Variants in CIC observed in about 807,000 individuals in gnomAD.
CIC encodes capicua transcriptional repressor.
In CIC, 18 loss-of-function variants were observed where a neutral mutation model predicts 115.7. The ratio of observed to expected loss-of-function variants is 0.16; its 90% CI spans 0.11 to 0.23. The LOEUF (loss-of-function observed/expected upper bound fraction) is 0.23. Among genes scored for constraint, CIC ranks in the 10% least tolerant of loss-of-function variants. CIC has a pLI of 1.00. For synonymous variants in CIC, 1,076 were observed against 923.0 expected (o/e 1.17, Z -3.01); for missense variants, 2,000 against 2,159.3 (o/e 0.93, Z 1.46).
At chr19:42,284,988 G>A (rs1032896066) in intron 2 of CIC, among the ~76,000 whole-genome samples, 1 of 152,150 alleles carries the variant, frequency 6.6e-6, no homozygotes, top group Non-Finnish European at 1.5e-5. Context: ...TGATGTTAAA[G>A]TGATGGGATG....
rs773155801 is a variant in CIC, at chr19:42,290,577, C to T, written c.4536C>T (p.Pro1512=). The change falls in exon 11 of 21, where the codon CCC becomes CCT. Residue 1512 remains proline, a synonymous_variant. Coordinates refer to ENST00000681038, the MANE Select transcript of CIC (RefSeq NM_001386298.1). The part of the protein sequence containing the change: ...MDPATFRRKR[P]ESVGGLEPPG... The stretch of plus-strand genomic sequence containing the variant: ...CTGCCACCTTCCGGCGCAAGAGACC[C>T]GAAAGTGTGGGTGGCCTGGAGCCAC... 22 of 1,613,646 alleles carry T rather than the reference C, an allele frequency of 1.4e-5. No homozygotes were observed. The highest frequency in any genetic ancestry group is 1.0e-4 in the Admixed American group (6 of 60,010).
intron 2 of CIC, chr19:42,284,811 T>G: frequency 6.6e-7 from 1 of 1,508,230 alleles, no homozygotes; most frequent in Non-Finnish European, 8.9e-7. Context: ...GGGGTCAAGG[T>G]GTCGGGGTGC....
Position 42,289,230 on chromosome 19 carries a change from A to G in CIC, c.3911A>G (p.Tyr1304Cys), listed in dbSNP as rs1282833156. The G allele has an allele frequency of 1.2e-6, 2 of 1,613,382 alleles. No individual in the cohort carries two copies. Among genetic ancestry groups the G allele is most frequent in the East Asian group, 2.2e-5 (1 of 44,892 alleles). The change falls in exon 9 of 21, where the codon TAT becomes TGT. Residue 1304 changes from tyrosine to cysteine, a missense_variant. This residue lies in a region of CIC where 1,466 missense variants were observed against 1,390.4 expected (regional missense o/e 1.05). Transcript: ENST00000681038. The stretch of plus-strand genomic sequence containing the variant: ...TCTGGCCCAAAGCCTTCTACCCAGT[A>G]TGGAGCTCCAGGACCCTTTGCAGCC... Reference protein sequence around the residue: ...SYSGPKPSTQYGAPGPFAAPG... With the variant: ...SYSGPKPSTQCGAPGPFAAPG...
rs983330327 is a variant in CIC, at chr19:42,295,356, C to T, written c.*165C>T. On this transcript the variant is annotated 3_prime_UTR_variant, in exon 21 of 21. Coordinates refer to ENST00000681038, the MANE Select transcript of CIC (RefSeq NM_001386298.1). The stretch of plus-strand genomic sequence containing the variant: ...TAAATACCCCCTTCCCTCGAAGCTC[C>T]CTCCCGGTGCTGGGGGGCAGCTGAG... The T allele has an allele frequency of 4.1e-5, 26 of 641,176 alleles. No individual in the cohort carries two copies. The highest frequency in any genetic ancestry group is 6.4e-5 in the Non-Finnish European group (24 of 376,212). 39.7% of individuals were successfully genotyped at this position (641,176 alleles called of 1,614,324 possible). A position where few individuals can be genotyped will look rare whatever the true frequency, so the allele number is the denominator to read the frequency against.
intron 18 of CIC, 22 bp downstream of exon 18, chr19:42,294,111 A>C (rs779887456): frequency 1.9e-6 from 3 of 1,613,652 alleles, no homozygotes; most frequent in African/African-American, 1.3e-5. Context: ...TTGGGCACCC[A>C]GGGTCCTTAG....
At position 42,291,555 on chromosome 19, in the gene CIC, C is replaced by T. The variant is rs1472665286; in HGVS notation, c.5426-3C>T. The T allele has an allele frequency of 1.9e-6, 3 of 1,612,964 alleles. No individual in the cohort carries two copies. The highest frequency in any genetic ancestry group is 2.5e-6 in the Non-Finnish European group (3 of 1,180,006). ...TTTTCCTTTCTTGCCTCTTAACTTCCAGCCCAGTCAGTTTCTCCCGTGCAG... is the reference window on the plus strand; with the variant it reads ...TTTTCCTTTCTTGCCTCTTAACTTCTAGCCCAGTCAGTTTCTCCCGTGCAG... On this transcript the variant is annotated splice_region_variant and splice_polypyrimidine_tract_variant and intron_variant, in intron 11 of 20. Transcript: ENST00000681038.
In CIC at chr19:42,290,311, C is replaced by T; in HGVS notation, c.4270C>T (p.Pro1424Ser). The T allele has an allele frequency of 6.2e-7, 1 of 1,614,078 alleles. No homozygotes were observed. Among genetic ancestry groups the T allele is most frequent in the Non-Finnish European group, 8.5e-7 (1 of 1,179,962 alleles). Reference protein sequence around the residue: ...HCRPPLDPEPPGPPDPPVAFG... With the variant: ...HCRPPLDPEPSGPPDPPVAFG... ...CCGCCCCCCACTGGACCCTGAGCCC[C>T]CAGGGCCCCCGGATCCTCCTGTAGC... The change falls in exon 11 of 21, where the codon CCA (proline) becomes TCA (serine). Residue 1424 changes from proline to serine, a missense_variant. Pro to Ser is a moderately conservative substitution (Grantham distance 74). Around this residue, in one of 8 missense-constraint regions of CIC, gnomAD observed 1,466 missense variants for 1,390.4 expected, o/e 1.05. Coordinates refer to ENST00000681038, the MANE Select transcript of CIC (RefSeq NM_001386298.1).
At chr19:42,282,599 T>C (rs534626709) in intron 2 of CIC, among the ~76,000 whole-genome samples, 39 of 152,322 alleles carry the variant, frequency 2.6e-4, no homozygotes, top group African/African-American at 9.1e-4. Flanking sequence ...CCCCAGCCTC[T>C]GTTTGGAGTT....
At chr19:42,284,853 T>C (rs1446171186) in intron 2 of CIC, 2 of 1,214,222 alleles carry the variant, frequency 1.6e-6, no homozygotes, top group Non-Finnish European at 2.3e-6. Flanking sequence ...GGGGGTATAG[T>C]AGGGGAGAGA....
chr19:42,270,603 C>T lies in CIC; in HGVS notation c.-10-1171C>T, dbSNP rs2146994064. 6.6e-6 allele frequency among the ~76,000 whole-genome samples: 1 copy of T among 152,346 alleles called. No individual in the cohort carries two copies. Among genetic ancestry groups the T allele is most frequent in the South Asian group, 2.1e-4 (1 of 4,832 alleles). ...CTTTCTTTGACCTTATCCCACCTAT[C>T]CCCACTTGGAGTTGGAGGGCATATT... is the stretch of plus-strand genomic sequence containing the variant. On this transcript the variant is annotated intron_variant, in intron 1 of 20. Transcript: ENST00000681038. The surrounding 1 kb of genome is among the most constrained non-coding windows in gnomAD (Gnocchi z 4.1).
rs1047562997 is a variant in CIC at position 42,274,324 on chromosome 19, A to T, written c.2541A>T (p.Pro847=). ...GGPGRGCRET[P]VPPGVASGKP... is the part of the protein sequence containing the mutation. ...CTGGGCGGGGCTGCCGTGAAACCCC[A>T]GTGCCCCCTGGGGTGGCCAGTGGGA... Residue 847 remains proline (P), a synonymous_variant, in exon 2 of 21, where the codon CCA becomes CCT. Transcript: ENST00000681038. The T allele has an allele frequency of 8.8e-5, 35 of 398,416 alleles. No individual in the cohort carries two copies. The Middle Eastern group carries it at 3.1e-3, about 35-fold the overall frequency. 24.7% of individuals were successfully genotyped at this position (398,416 alleles called of 1,614,324 possible). A position where few individuals can be genotyped will look rare whatever the true frequency, so the allele number is the denominator to read the frequency against.
chr19:42,291,959 C>A, intron 12 of CIC, 127 bp from the exon 13 acceptor site: 1 of 1,434,390 alleles, frequency 7.0e-7, no homozygotes, highest in Non-Finnish European at 9.8e-7. Flanking sequence ...TCATCTTGCC[C>A]ATCCTGTTCT....
chr19:42,286,872 G>A lies in CIC; in HGVS notation c.2896G>A (p.Glu966Lys), dbSNP rs1361309406. 7.4e-6 allele frequency: 12 copies of A among 1,612,952 alleles called. No individual in the cohort carries two copies. The highest frequency in any genetic ancestry group is 4.0e-5 in the African/African-American group (3 of 74,896). Reference protein sequence around the residue: ...SQPDPSVQPSEAQQPASHPVA... With the variant: ...SQPDPSVQPSKAQQPASHPVA... ...GCCTGACCCCTCCGTGCAGCCGAGCGAGGCCCAGCAACCTGCCAGCCACCC... is the reference window on the plus strand; with the variant it reads ...GCCTGACCCCTCCGTGCAGCCGAGCAAGGCCCAGCAACCTGCCAGCCACCC... Residue 966 changes from glutamate to lysine, a missense_variant, in exon 3 of 21, where the codon GAG (glutamate) becomes AAG (lysine). Around this residue, in one of 8 missense-constraint regions of CIC, gnomAD observed 222 missense variants for 247.7 expected, o/e 0.90. Coordinates refer to ENST00000681038, the MANE Select transcript of CIC (RefSeq NM_001386298.1).
chr19:42,291,566 G>C lies in CIC; in HGVS notation c.5434G>C (p.Val1812Leu), dbSNP rs1345227395. The C allele has an allele frequency of 1.2e-6, 2 of 1,613,064 alleles. No homozygotes were observed. The highest frequency in any genetic ancestry group is 1.7e-6 in the Non-Finnish European group (2 of 1,179,998). ...TGCCTCTTAACTTCCAGCCCAGTCA[G>C]TTTCTCCCGTGCAGGCCCCGCCCCC... Reference protein sequence around the residue: ...PSAPPPKAQSVSPVQAPPPGG... With the variant: ...PSAPPPKAQSLSPVQAPPPGG... The change falls in exon 12 of 21, where the codon GTT (valine) becomes CTT (leucine). Residue 1812 changes from valine to leucine, a missense_variant. Physicochemically the swap from Val to Leu is conservative, Grantham distance 32. Around this residue, in one of 8 missense-constraint regions of CIC, gnomAD observed 1,466 missense variants for 1,390.4 expected, o/e 1.05. Transcript: ENST00000681038.
chr19:42,274,564 C>A lies in CIC; in HGVS notation c.2781C>A (p.Gly927=). The A allele has an allele frequency of 2.5e-6, 1 of 398,796 alleles. No individual in the cohort carries two copies. The highest frequency in any genetic ancestry group is 4.4e-5 in the Admixed American group (1 of 22,740). The allele number at this position is 398,796 out of a possible 1,614,324, so 24.7% of individuals were successfully genotyped here. ...CCCCCAAGAAGGAAGTCATCATGGG[C>A]CGGCCTGGAACAGGTAAGAGGTGGA... The part of the protein sequence containing the change: ...HPAPKKEVIM[G]RPGTVWTNVE... Residue 927 remains glycine (G), a synonymous_variant, in exon 2 of 21, where the codon GGC becomes GGA. Transcript: ENST00000681038.
chr19:42,277,513 G>T (rs895481446), intron 2 of CIC, among the ~76,000 whole-genome samples: 2 of 152,018 alleles, frequency 1.3e-5, no homozygotes, highest in Admixed American at 6.5e-5. Flanking sequence ...TACAGGCTTG[G>T]GTCACCACAC....
Position 42,269,354 on chromosome 19 carries a change from C to G in CIC, c.-38C>G, listed in dbSNP as rs1020431359. The G allele has an allele frequency of 2.0e-5, 3 of 147,672 alleles. No individual in the cohort carries two copies. Among genetic ancestry groups the G allele is most frequent in the Non-Finnish European group, 4.5e-5 (3 of 66,486 alleles). The allele number at this position is 147,672 out of a possible 1,614,324, so 9.1% of individuals were successfully genotyped here. A position where few individuals can be genotyped will look rare whatever the true frequency, so the allele number is the denominator to read the frequency against. ...CCGGACCGAGCCGGGGCCACGGCCCCCCGCCCCGAAACCCCGCCGAGCCCA... is the reference window on the plus strand; with the variant it reads ...CCGGACCGAGCCGGGGCCACGGCCCGCCGCCCCGAAACCCCGCCGAGCCCA... On this transcript the variant is annotated 5_prime_UTR_variant, in exon 1 of 21. Transcript: ENST00000681038.
Position 42,282,889 on chromosome 19 carries a change from C to T in CIC, c.2795-3882C>T, listed in dbSNP as rs891484210. On this transcript the variant is annotated intron_variant, in intron 2 of 20. Coordinates refer to ENST00000681038, the MANE Select transcript of CIC (RefSeq NM_001386298.1). ...GGCCCTTTTTTTCTGGGAGGGGGGG[C>T]GGGGTTAGTGGGTGGCTGGCAGAGC... 4.3e-4 allele frequency among the ~76,000 whole-genome samples: 4 copies of T among 9,216 alleles called. No homozygotes were observed. The Admixed American group carries it at 4.5e-3, about 10-fold the overall frequency. The allele number at this position is 9,216 out of a possible 152,430, so 6.0% of individuals were successfully genotyped here.
Position 42,287,514 on chromosome 19 carries a change from A to G in CIC, c.3310-31A>G, listed in dbSNP as rs939764861. ...ACCCACACCTGTCTGCCAGGTCCTAACTGTCCCGCTCTGGGCTGTGTTTAA... is the reference window on the plus strand; with the variant it reads ...ACCCACACCTGTCTGCCAGGTCCTAGCTGTCCCGCTCTGGGCTGTGTTTAA... On this transcript the variant is annotated intron_variant, in intron 5 of 20. Coordinates refer to ENST00000681038, the MANE Select transcript of CIC (RefSeq NM_001386298.1). The surrounding 1 kb of genome is among the most constrained non-coding windows in gnomAD (Gnocchi z 8.7). 12 of 1,612,432 alleles carry G rather than the reference A, an allele frequency of 7.4e-6. No homozygotes were observed. The highest frequency in any genetic ancestry group is 5.0e-5 in the Admixed American group (3 of 60,000).
Sources: allele counts gnomAD v4.1 joint callset (sites outside exome capture counted in the v4.1 genomes callset), GRCh38; gene constraint gnomAD v4.1.1; regional missense constraint gnomAD v4.1.1; non-coding constraint Gnocchi (gnomAD v3.1); transcripts MANE v1.5; gene names NCBI Gene and HGNC (gene_info 2026-07-23, HGNC 2026-07-21).